ATP2A2: variants seen among roughly 807,000 people sequenced by gnomAD.
ATP2A2 encodes the protein ATPase sarcoplasmic/endoplasmic reticulum Ca2+ transporting 2.
ATP2A2 carries 14 observed loss-of-function variants against 109.3 expected under a neutral mutation model. The observed-to-expected ratio is 0.13, with a 90% CI of 0.08 to 0.20. The LOEUF is 0.20. Ranked by LOEUF, ATP2A2 falls within the 10% of genes least tolerant of loss-of-function variation. The pLI is 1.00. For missense variants in ATP2A2, 657 were observed against 1,321.6 expected (o/e 0.50, Z 7.80); for synonymous variants, 506 against 490.9 (o/e 1.03, Z -0.41).
At chr12:110,282,915 T>C (rs1872295199) in intron 3 of ATP2A2, 120 bp downstream of exon 3, 1 of 900,558 alleles carries the variant, frequency 1.1e-6, no homozygotes, top group Non-Finnish European at 1.7e-6. Context: ...GCTGTGTCTC[T>C]ATGTTTAAAA....
chr12:110,299,831 C>T (rs1456179102), intron 5 of ATP2A2, among the ~76,000 whole-genome samples: 1 of 152,162 alleles, frequency 6.6e-6, no homozygotes, highest in Admixed American at 6.5e-5. Flanking sequence ...CCATGTTGCT[C>T]AGGCTTGTCT....
chr12:110,312,463 C>T (rs1876183333), intron 5 of ATP2A2, among the ~76,000 whole-genome samples: 1 of 152,102 alleles, frequency 6.6e-6, no homozygotes, highest in Admixed American at 6.5e-5. Context: ...TCCCCAAAAA[C>T]ATATATTGAA....
At chr12:110,286,552 A>G (rs1023927667) in intron 3 of ATP2A2, among the ~76,000 whole-genome samples, 5 of 152,190 alleles carry the variant, frequency 3.3e-5, no homozygotes, top group African/African-American at 1.2e-4. Context: ...ATAGCTTTAT[A>G]TCTGGATCAG....
chr12:110,298,434 T>C (rs1012357625), intron 5 of ATP2A2, among the ~76,000 whole-genome samples: 1 of 152,146 alleles, frequency 6.6e-6, no homozygotes, highest in Non-Finnish European at 1.5e-5. Flanking sequence ...AAACTTCCTG[T>C]TTTGGCCAGG....
intron 18 of ATP2A2, chr12:110,345,604 A>G (rs2137872818): frequency 1.4e-6 from 1 of 724,174 alleles, no homozygotes; most frequent in East Asian, 2.8e-5. Flanking sequence ...CCTTAAAAGA[A>G]ACCGTGGGGG....
Position 110,287,394 on chromosome 12 carries a change from C to G in ATP2A2, c.219+4599C>G, listed in dbSNP as rs1012242721. Reference sequence around the variant, plus strand: ...TACTCTATCCCTACTCTATTTTTAACAGTTTAATGTAGTTGAGTGTTCATT... The same window carrying G: ...TACTCTATCCCTACTCTATTTTTAAGAGTTTAATGTAGTTGAGTGTTCATT... On this transcript the variant is annotated intron_variant, in intron 3 of 19. Transcript: ENST00000539276. 5.3e-5 allele frequency among the ~76,000 whole-genome samples: 8 copies of G among 152,222 alleles called. No homozygotes were observed. In the East Asian group the frequency reaches 1.5e-3, roughly 29 times the overall value.
intron 6 of ATP2A2, among the ~76,000 whole-genome samples, chr12:110,324,389 T>C (rs1371444089): frequency 6.6e-6 from 1 of 152,156 alleles, no homozygotes; most frequent in East Asian, 1.9e-4. Context: ...GAAATTCTCA[T>C]AGTGTGCCCT....
chr12:110,349,871 G>A lies in ATP2A2; in HGVS notation c.*3401G>A. 2.8e-6 allele frequency: 3 copies of A among 1,055,080 alleles called. No homozygotes were observed. The South Asian group carries it at 1.0e-4, about 36-fold the overall frequency. The allele number at this position is 1,055,080 out of a possible 1,614,324, so 65.4% of individuals were successfully genotyped here. On this transcript the variant is annotated 3_prime_UTR_variant, in exon 20 of 20. Coordinates refer to ENST00000539276, the MANE Select transcript of ATP2A2 (RefSeq NM_170665.4). Reference sequence around the variant, plus strand: ...CTCCAGGGCTAGGCAAGGCAGGCGAGCAGCCAGAAGCCGGGTGCCCACAGG... The same window carrying A: ...CTCCAGGGCTAGGCAAGGCAGGCGAACAGCCAGAAGCCGGGTGCCCACAGG...
chr12:110,330,896 T>G (rs1431609356), intron 8 of ATP2A2: 1 of 152,210 alleles, frequency 6.6e-6, no homozygotes, highest in Non-Finnish European at 1.5e-5. Flanking sequence ...TAATGTAGAT[T>G]CAGATTCTGA....
rs148478211 is a variant in ATP2A2, at chr12:110,345,456, G to T, written c.2741+74G>T. On this transcript the variant is annotated intron_variant, in intron 18 of 19. Coordinates refer to ENST00000539276, the MANE Select transcript of ATP2A2 (RefSeq NM_170665.4). ...GCACCGGGGAATTGTGTGTAGTCACGGTTGATTGAGGATCACAGGACAGTT... is the reference window on the plus strand; with the variant it reads ...GCACCGGGGAATTGTGTGTAGTCACTGTTGATTGAGGATCACAGGACAGTT... 3.4e-3 allele frequency: 5,341 copies of T among 1,585,446 alleles called. 18 individuals carry two copies. Among genetic ancestry groups the T allele is most frequent in the Non-Finnish European group, 4.4e-3 (5,053 of 1,154,792 alleles).
At chr12:110,345,227 A>C in intron 17 of ATP2A2, 22 bp from the exon 18 acceptor site, 2 of 1,614,056 alleles carry the variant, frequency 1.2e-6, no homozygotes, top group Non-Finnish European at 1.7e-6. Context: ...GCTGATAGGA[A>C]TTTGATTGGA....
rs1489771912 is a variant in ATP2A2 at position 110,296,605 on chromosome 12, A to C, written c.331A>C (p.Asn111His). ...NAIVGVWQER[N>H]AENAIEALKE... Reference sequence around the variant, plus strand: ...TCTGTTTTCTTTTATACAGGAAAGAAATGCTGAAAATGCCATCGAAGCCCT... The same window carrying C: ...TCTGTTTTCTTTTATACAGGAAAGACATGCTGAAAATGCCATCGAAGCCCT... Residue 111 changes from asparagine to histidine, a missense_variant, in exon 5 of 20, where the codon AAT (asparagine) becomes CAT (histidine). Physicochemically the swap from Asn to His is moderately conservative, Grantham distance 68 (BLOSUM62 1). Around this residue, in one of 9 missense-constraint regions of ATP2A2, gnomAD observed 136 missense variants for 343.9 expected, o/e 0.40. Transcript: ENST00000539276. The C allele has an allele frequency of 6.2e-7, 1 of 1,614,166 alleles. No individual in the cohort carries two copies. The highest frequency in any genetic ancestry group is 8.5e-7 in the Non-Finnish European group (1 of 1,180,024).
At chr12:110,320,577 T>C (rs1877134393) in intron 5 of ATP2A2, among the ~76,000 whole-genome samples, 1 of 152,244 alleles carries the variant, frequency 6.6e-6, no homozygotes, top group Non-Finnish European at 1.5e-5. Context: ...CACTAAAGTT[T>C]AGAATATAGT....
At position 110,281,728 on chromosome 12, in the gene ATP2A2, T is replaced by TG; in HGVS notation, c.-61dup. ...GGGTGGCACGAGCCCGCGGCCGGAGTGCGAGGCGGAGGCGAGGAGGCCGCG... is the reference window on the plus strand; with the variant it reads ...GGGTGGCACGAGCCCGCGGCCGGAGTGGCGAGGCGGAGGCGAGGAGGCCGCG... On this transcript the variant is annotated 5_prime_UTR_variant, in exon 1 of 20. Transcript: ENST00000539276. The TG allele has an allele frequency of 8.1e-7, 1 of 1,236,036 alleles. No homozygotes were observed. The highest frequency in any genetic ancestry group is 1.1e-6 in the Non-Finnish European group (1 of 930,750). 76.6% of individuals were successfully genotyped at this position (1,236,036 alleles called of 1,614,324 possible). A position where few individuals can be genotyped will look rare whatever the true frequency, so the allele number is the denominator to read the frequency against.
chr12:110,313,305 C>G (rs1490992798), intron 5 of ATP2A2, among the ~76,000 whole-genome samples: 1 of 135,820 alleles, frequency 7.4e-6, no homozygotes, highest in Non-Finnish European at 1.5e-5. Flanking sequence ...TGGGAACCAC[C>G]TTTCCTTTTT....
At chr12:110,292,199 ATC>A in intron 4 of ATP2A2, 75 bp downstream of exon 4, 1 of 1,129,006 alleles carries the variant, frequency 8.9e-7, no homozygotes. Flanking sequence ...TCTTTCTGTT[ATC>A]TGTTTTTCCT....
chr12:110,300,019 G>A (rs1874392634), intron 5 of ATP2A2, among the ~76,000 whole-genome samples: 1 of 151,242 alleles, frequency 6.6e-6, no homozygotes, highest in African/African-American at 2.4e-5. Context: ...GCCTCCCAAA[G>A]TGCTGGGATT....
intron 5 of ATP2A2, among the ~76,000 whole-genome samples, chr12:110,312,809 A>G (rs923031449): frequency 6.6e-6 from 1 of 151,048 alleles, no homozygotes; most frequent in Non-Finnish European, 1.5e-5. Flanking sequence ...TAGATTGCAC[A>G]ACTGCATTCC....
rs1246744833 is a variant in ATP2A2 at position 110,347,065 on chromosome 12, GCTT to G, written c.*602_*604del. 2.0e-5 allele frequency: 21 copies of G among 1,047,674 alleles called. No individual in the cohort carries two copies. Among genetic ancestry groups the G allele is most frequent in the South Asian group, 3.3e-5 (1 of 30,704 alleles). The allele number at this position is 1,047,674 out of a possible 1,614,324, so 64.9% of individuals were successfully genotyped here. On this transcript the variant is annotated 3_prime_UTR_variant, in exon 20 of 20. Coordinates refer to ENST00000539276, the MANE Select transcript of ATP2A2 (RefSeq NM_170665.4). Reference sequence around the variant, plus strand: ...CCCCACCTTACCCCCGCCCCGCTTGGCTTCTTCTTTAGGATTGTGATGGTTCGT... The same window carrying G: ...CCCCACCTTACCCCCGCCCCGCTTGGCTTCTTTAGGATTGTGATGGTTCGT...
Sources: allele counts gnomAD v4.1 joint callset (sites outside exome capture counted in the v4.1 genomes callset), GRCh38; gene constraint gnomAD v4.1.1; regional missense constraint gnomAD v4.1.1; transcripts MANE v1.5; gene names NCBI Gene and HGNC (gene_info 2026-07-23, HGNC 2026-07-21).